The following DHDDS variants were observed in gnomAD, a reference collection of about 807,000 sequenced individuals.
DHDDS encodes dehydrodolichyl diphosphate synthase complex subunit DHDDS.
Under a neutral mutation model 46.2 loss-of-function variants are expected in DHDDS, and 16 were observed. The ratio of observed to expected loss-of-function variants is 0.35; its 90% CI spans 0.23 to 0.53. The LOEUF is 0.53. Among genes scored for constraint, DHDDS ranks in the 20% least tolerant of loss-of-function variants. The pLI is 0.94. For missense variants in DHDDS, 340 were observed against 423.7 expected, an observed-to-expected ratio of 0.80 and a Z score of 1.73; for synonymous variants, 151 against 163.1, an observed-to-expected ratio of 0.93 and a Z score of 0.56.
At chr1:26,444,706 G>A (rs763983100) in intron 4 of DHDDS, among the ~76,000 whole-genome samples, 7 of 152,094 alleles carry the variant, frequency 4.6e-5, no homozygotes, top group Admixed American at 6.6e-5. Context: ...AGCTGTGATC[G>A]ATCCACTATG....
Position 26,458,646 on chromosome 1 carries a change from G to A in DHDDS, c.657+741G>A, listed in dbSNP as rs566297984. The stretch of plus-strand genomic sequence containing the variant: ...CCAGCTACTTAGGTGAATGAGGTGG[G>A]AGAATCACTTGAACCTAGGAGGCAG... On this transcript the variant is annotated intron_variant, in intron 7 of 8. Coordinates refer to ENST00000236342, the MANE Select transcript of DHDDS (RefSeq NM_205861.3). Among the ~76,000 whole-genome samples, 3 of 149,872 alleles carry A rather than the reference G, an allele frequency of 2.0e-5. No individual in the cohort carries two copies. In the East Asian group the frequency reaches 5.9e-4, roughly 29 times the overall value.
intron 6 of DHDDS, among the ~76,000 whole-genome samples, chr1:26,454,394 ACT>A (rs1353025158): frequency 6.6e-6 from 1 of 152,164 alleles, no homozygotes; most frequent in Non-Finnish European, 1.5e-5. Context: ...GGTAGAAGAA[ACT>A]CTTTGCAGAT....
In DHDDS at chr1:26,460,047, C is replaced by G. The variant is rs2124501296; in HGVS notation, c.668C>G (p.Ser223Cys). 1 of 1,614,106 alleles carries G rather than the reference C, an allele frequency of 6.2e-7. No individual in the cohort carries two copies. The highest frequency in any genetic ancestry group is 8.5e-7 in the Non-Finnish European group (1 of 1,179,954). ...CCCTACCTTTCCCAGACCTCTCACT[C>G]CTGCCTGGTGTTCCAACCCGTTCTG... is the stretch of plus-strand genomic sequence containing the variant. ...SDFLLWQTSH[S>C]CLVFQPVLWP... Residue 223 changes from serine to cysteine, a missense_variant, in exon 8 of 9, where the codon TCC (serine) becomes TGC (cysteine). Coordinates refer to ENST00000236342, the MANE Select transcript of DHDDS (RefSeq NM_205861.3).
intron 7 of DHDDS, 101 bp from the exon 8 acceptor site, chr1:26,459,936 C>T: frequency 1.1e-6 from 1 of 926,060 alleles, no homozygotes. Context: ...CATCTCTGGG[C>T]TTCTGGGTCC....
chr1:26,454,601 TC>T (rs1304818360), intron 6 of DHDDS: 7 of 916,596 alleles, frequency 7.6e-6, no homozygotes, highest in Non-Finnish European at 1.2e-5. Flanking sequence ...TTTTTTTTTT[TC>T]CCTTTTAATT....
At chr1:26,438,144 A>T (rs762024439) in intron 2 of DHDDS, 24 bp from the exon 3 acceptor site, 2 of 1,610,168 alleles carry the variant, frequency 1.2e-6, no homozygotes, top group African/African-American at 2.7e-5. Context: ...AGACCTGTTC[A>T]TCATTTGTCT....
chr1:26,438,585 CTT>C (rs2075185231), intron 3 of DHDDS: 1 of 364,266 alleles, frequency 2.7e-6, no homozygotes, highest in Non-Finnish European at 5.4e-6. Context: ...ATTAGCCAGA[CTT>C]GATGGTGCAC....
At chr1:26,466,764 G>A (rs553217046) in intron 8 of DHDDS, among the ~76,000 whole-genome samples, 20 of 152,172 alleles carry the variant, frequency 1.3e-4, no homozygotes, top group Non-Finnish European at 2.4e-4. Flanking sequence ...ACTTAGCCCA[G>A]TCCACAAGTG....
At chr1:26,466,057 G>C (rs1004512089) in intron 8 of DHDDS, 1 of 152,190 alleles carries the variant, frequency 6.6e-6, no homozygotes, top group Non-Finnish European at 1.5e-5. Context: ...GAGAGAATAA[G>C]AGCAGAGAGG....
At chr1:26,464,403 G>A (rs1557451939) in intron 8 of DHDDS, among the ~76,000 whole-genome samples, 1 of 152,134 alleles carries the variant, frequency 6.6e-6, no homozygotes, top group African/African-American at 2.4e-5. Context: ...ACTGCTTTAA[G>A]GCAGATACTA....
At chr1:26,461,739 C>T (rs2075424407) in intron 8 of DHDDS, among the ~76,000 whole-genome samples, 1 of 152,198 alleles carries the variant, frequency 6.6e-6, no homozygotes, top group Non-Finnish European at 1.5e-5. Flanking sequence ...GCCCCTGAAT[C>T]CCAAGTCCAT....
intron 2 of DHDDS, among the ~76,000 whole-genome samples, chr1:26,435,462 G>T: frequency 8.4e-6 from 1 of 118,638 alleles, no homozygotes; most frequent in African/African-American, 3.2e-5. Context: ...TTTTGAGACA[G>T]AGTCTTACTC....
chr1:26,461,528 G>A (rs1469994062), intron 8 of DHDDS, among the ~76,000 whole-genome samples: 1 of 151,942 alleles, frequency 6.6e-6, no homozygotes, highest in Non-Finnish European at 1.5e-5. Context: ...TGGGATTACA[G>A]GCATGCGCCA....
In DHDDS at chr1:26,432,970, C is replaced by G. The variant is rs762378773; in HGVS notation, c.25C>G (p.Leu9Val). 6.2e-7 allele frequency: 1 copy of G among 1,614,178 alleles called. No homozygotes were observed. Among genetic ancestry groups the G allele is most frequent in the Non-Finnish European group, 8.5e-7 (1 of 1,180,024 alleles). Residue 9 changes from leucine (L) to valine (V), a missense_variant, in exon 2 of 9, where the codon CTG (leucine) becomes GTG (valine). Physicochemically the swap from Leu to Val is conservative, Grantham distance 32. Transcript: ENST00000236342. MSWIKEGE[L>V]SLWERFCANI... ...TATGTCATGGATCAAGGAAGGAGAG[C>G]TGTCACTTTGGGAGCGGTTCTGTGC...
chr1:26,468,723 T>G (rs1384754874), intron 8 of DHDDS, among the ~76,000 whole-genome samples, 172 bp from the exon 9 acceptor site: 1 of 152,120 alleles, frequency 6.6e-6, no homozygotes, highest in Non-Finnish European at 1.5e-5. Context: ...CTGTACAACA[T>G]GAGCACCACC....
intron 8 of DHDDS, among the ~76,000 whole-genome samples, chr1:26,464,121 T>C (rs1172519857): frequency 6.6e-6 from 1 of 151,290 alleles, no homozygotes; most frequent in African/African-American, 2.4e-5. Context: ...GCCTCCCATG[T>C]AGCTGGGACT....
Position 26,455,226 on chromosome 1 carries a change from A to G in DHDDS, c.543-2565A>G. On this transcript the variant is annotated intron_variant, in intron 6 of 8. Transcript: ENST00000236342. ...CTCAGGCCGCTTAGGGAAAGAGCAA[A>G]TGGGCCCATTTTAAAGATAAGAGAA... 4.4e-6 allele frequency: 3 copies of G among 680,718 alleles called. No homozygotes were observed. The East Asian group carries it at 7.5e-5, about 17-fold the overall frequency. 42.2% of individuals were successfully genotyped at this position (680,718 alleles called of 1,614,324 possible). A position where few individuals can be genotyped will look rare whatever the true frequency, so the allele number is the denominator to read the frequency against.
At chr1:26,434,620 C>A (rs933554295) in intron 2 of DHDDS, among the ~76,000 whole-genome samples, 2 of 152,104 alleles carry the variant, frequency 1.3e-5, no homozygotes, top group Admixed American at 6.6e-5. Context: ...GGAGACAACT[C>A]AAAGCTGCTC....
intron 6 of DHDDS, among the ~76,000 whole-genome samples, chr1:26,454,154 C>T (rs945430282): frequency 3.3e-5 from 5 of 152,116 alleles, no homozygotes; most frequent in East Asian, 1.9e-4. Context: ...AGGGTTTCAT[C>T]GTGTTAGCCA....
Sources: allele counts gnomAD v4.1 joint callset (sites outside exome capture counted in the v4.1 genomes callset), GRCh38; gene constraint gnomAD v4.1.1; transcripts MANE v1.5; gene names NCBI Gene and HGNC (gene_info 2026-07-23, HGNC 2026-07-21).